PAQR6: variants seen among roughly 807,000 people sequenced by gnomAD.
The protein encoded by PAQR6 is progestin and adipoQ receptor family member 6, also known as membrane progestin receptor delta.
PAQR6 carries 34 observed loss-of-function variants against 36.2 expected under a neutral mutation model. The observed-to-expected ratio is 0.94, with a 90% CI of 0.71 to 1.25. PAQR6 has a LOEUF of 1.25. Ranked by LOEUF, PAQR6 falls within the 50% of genes most tolerant of loss-of-function variation. The pLI is 0.00. For missense variants in PAQR6, 431 were observed against 445.7 expected, an observed-to-expected ratio of 0.97 and a Z score of 0.30; for synonymous variants, 190 against 190.7, an observed-to-expected ratio of 1.00 and a Z score of 0.03.
At position 156,245,579 on chromosome 1, in the gene PAQR6, G is replaced by C. The variant is rs1018849732; in HGVS notation, c.468C>G (p.Ala156=). The C allele has an allele frequency of 1.2e-6, 2 of 1,612,890 alleles. No individual in the cohort carries two copies. The highest frequency in any genetic ancestry group is 2.2e-5 in the South Asian group (2 of 91,046). Residue 156 remains alanine, a synonymous_variant, in exon 5 of 8, where the codon GCC becomes GCG. Transcript: ENST00000292291. Reference sequence around the variant, plus strand: ...CGGTGCACAGGAAGGAGTTGAGTGCGGCGGCAGGCACAAAGAACTGGTGCA... The same window carrying C: ...CGGTGCACAGGAAGGAGTTGAGTGCCGCGGCAGGCACAAAGAACTGGTGCA... ...GHLHQFFVPA[A]ALNSFLCTGL...
Position 156,245,781 on chromosome 1 carries a change from C to T in PAQR6, c.385+1G>A, listed in dbSNP as rs1158377874. On this transcript the variant is annotated splice_donor_variant, in intron 4 of 7. Transcript: ENST00000292291. LOFTEE classifies it high-confidence loss of function. ...CGCGCTCCCGCGCCTGTCCGGCTCA[C>T]CCAGACTGTAGAGGCTGAGCGCGCC... The T allele has an allele frequency of 6.3e-7, 1 of 1,592,358 alleles. No homozygotes were observed. The highest frequency in any genetic ancestry group is 8.6e-7 in the Non-Finnish European group (1 of 1,169,524).
rs1469399624 is a variant in PAQR6 at position 156,246,237 on chromosome 1, T to C, written c.65A>G (p.Asp22Gly). ...VHQVPRVFWE[D>G]GIMSGYRRPT... ...GCGGCGGTAGCCAGACATGATGCCA[T>C]CTTCCCAGAACACCTAGGGTAGTGG... The change falls in exon 3 of 8, where the codon GAT becomes GGT. Residue 22 changes from aspartate to glycine, a missense_variant. Asp to Gly is a moderately conservative substitution (Grantham distance 94). Coordinates refer to ENST00000292291, the MANE Select transcript of PAQR6 (RefSeq NM_198406.3). The C allele has an allele frequency of 6.2e-7, 1 of 1,613,250 alleles. No homozygotes were observed. The highest frequency in any genetic ancestry group is 1.7e-5 in the Admixed American group (1 of 60,004).
At chr1:156,245,381 A>G in intron 5 of PAQR6, 143 bp from the exon 6 acceptor site, 2 of 1,389,404 alleles carry the variant, frequency 1.4e-6, no homozygotes, top group Non-Finnish European at 1.0e-6. Context: ...CTCCTGTGTA[A>G]AGGACCACAT....
Position 156,246,155 on chromosome 1 carries a change from C to T in PAQR6, c.147G>A (p.Thr49=). The T allele has an allele frequency of 3.1e-6, 5 of 1,613,254 alleles. No individual in the cohort carries two copies. Among genetic ancestry groups the T allele is most frequent in the Non-Finnish European group, 4.2e-6 (5 of 1,180,016 alleles). ...VLSSFQMTNE[T]VNIWTHFLPT... ...GCAGGAAGTGAGTCCAGATGTTGACCGTCTCGTTGGTCATCTGGAAGGAGC... is the reference window on the plus strand; with the variant it reads ...GCAGGAAGTGAGTCCAGATGTTGACTGTCTCGTTGGTCATCTGGAAGGAGC... Residue 49 remains threonine, a synonymous_variant, in exon 3 of 8, where the codon ACG becomes ACA. Transcript: ENST00000292291.
Position 156,246,135 on chromosome 1 carries a change from A to G in PAQR6, c.167T>C (p.Phe56Ser), listed in dbSNP as rs1369744380. 2 of 1,612,644 alleles carry G rather than the reference A, an allele frequency of 1.2e-6. No individual in the cohort carries two copies. Among genetic ancestry groups the G allele is most frequent in the African/African-American group, 1.3e-5 (1 of 75,052 alleles). Residue 56 changes from phenylalanine (F) to serine (S), a missense_variant, in exon 3 of 8, where the codon TTC becomes TCC. By Grantham distance (155) the Phe-to-Ser change is radical. Coordinates refer to ENST00000292291, the MANE Select transcript of PAQR6 (RefSeq NM_198406.3). Reference protein sequence around the residue: ...TNETVNIWTHFLPTWYFLWRL... With the variant: ...TNETVNIWTHSLPTWYFLWRL... ...AGCCTCCCCTCACCAGGTGGGCAGG[A>G]AGTGAGTCCAGATGTTGACCGTCTC...
intron 2 of PAQR6, 21 bp downstream of exon 2, chr1:156,246,660 T>G (rs1204143620): frequency 3.7e-6 from 6 of 1,612,430 alleles, no homozygotes; most frequent in Non-Finnish European, 5.1e-6. Context: ...GGTTGGTGGG[T>G]CAGTGGGTGG....
At position 156,243,746 on chromosome 1, in the gene PAQR6, C is replaced by T. The variant is rs1282639002; in HGVS notation, c.*383G>A. 18 of 1,292,100 alleles carry T rather than the reference C, an allele frequency of 1.4e-5. No individual in the cohort carries two copies. Among genetic ancestry groups the T allele is most frequent in the South Asian group, 3.0e-5 (2 of 67,684 alleles). 80.0% of individuals were successfully genotyped at this position (1,292,100 alleles called of 1,614,324 possible). A position where few individuals can be genotyped will look rare whatever the true frequency, so the allele number is the denominator to read the frequency against. ...GCATTCAGGGTAGGCCTAGGTTAGT[C>T]GTGTTAGTTCTTCCCTGTGCTGAGC... On this transcript the variant is annotated 3_prime_UTR_variant, in exon 8 of 8. Coordinates refer to ENST00000292291, the MANE Select transcript of PAQR6 (RefSeq NM_198406.3).
intron 3 of PAQR6, 53 bp from the exon 4 acceptor site, chr1:156,246,040 G>A (rs1660413286): frequency 1.3e-6 from 2 of 1,595,278 alleles, no homozygotes; most frequent in Non-Finnish European, 1.7e-6. Flanking sequence ...TGCCGCTGCA[G>A]CCCGTGGGCC....
intron 1 of PAQR6, among the ~76,000 whole-genome samples, chr1:156,247,090 T>A (rs1660659260): frequency 2.0e-5 from 3 of 152,018 alleles, no homozygotes; most frequent in Non-Finnish European, 2.9e-5. Flanking sequence ...TCAGGAAGAA[T>A]CCTGACTCCT....
intron 7 of PAQR6, 122 bp downstream of exon 7, chr1:156,244,639 G>T: frequency 6.4e-7 from 1 of 1,557,024 alleles, no homozygotes; most frequent in Non-Finnish European, 8.7e-7. Context: ...GGAAGACAGG[G>T]AAGTCCCTCC....
chr1:156,244,984 G>A (rs1660086341), intron 6 of PAQR6, 73 bp from the exon 7 acceptor site: 5 of 1,594,318 alleles, frequency 3.1e-6, no homozygotes, highest in Non-Finnish European at 4.3e-6. Flanking sequence ...GGGATCTGGT[G>A]AGGACGCAGA....
intron 1 of PAQR6, chr1:156,247,661 C>T (rs1660843112): frequency 5.9e-6 from 1 of 170,112 alleles, no homozygotes; most frequent in Non-Finnish European, 1.3e-5. Flanking sequence ...GGCCCTAGTC[C>T]CTGCACCCCA....
At position 156,245,166 on chromosome 1, in the gene PAQR6, G is replaced by A. The variant is rs940853831; in HGVS notation, c.585C>T (p.Phe195=). The change falls in exon 6 of 8, where the codon TTC becomes TTT. Residue 195 remains phenylalanine, a synonymous_variant. Coordinates refer to ENST00000292291, the MANE Select transcript of PAQR6 (RefSeq NM_198406.3). ...RTGAFAYPFL[F]DNLPLFYRLG... ...CCCGATAAAAGAGTGGGAGGTTGTC[G>A]AACAGGAATGGATAGGCGAAGGCTC... is the stretch of plus-strand genomic sequence containing the variant. 3.3e-5 allele frequency: 53 copies of A among 1,613,898 alleles called. No homozygotes were observed. Among genetic ancestry groups the A allele is most frequent in the Non-Finnish European group, 3.7e-5 (44 of 1,179,978 alleles).
Position 156,245,164 on chromosome 1 carries a change from T to C in PAQR6, c.587A>G (p.Asp196Gly). 6.2e-7 allele frequency: 1 copy of C among 1,613,964 alleles called. No individual in the cohort carries two copies. Among genetic ancestry groups the C allele is most frequent in the Non-Finnish European group, 8.5e-7 (1 of 1,179,976 alleles). ...TACCCGATAAAAGAGTGGGAGGTTGTCGAACAGGAATGGATAGGCGAAGGC... is the reference window on the plus strand; with the variant it reads ...TACCCGATAAAAGAGTGGGAGGTTGCCGAACAGGAATGGATAGGCGAAGGC... The part of the protein sequence containing the change: ...TGAFAYPFLF[D>G]NLPLFYRLGL... Residue 196 changes from aspartate (D) to glycine (G), a missense_variant, in exon 6 of 8, where the codon GAC becomes GGC. Physicochemically the swap from Asp to Gly is moderately conservative, Grantham distance 94 (BLOSUM62 -1). Transcript: ENST00000292291.
chr1:156,246,067 G>A, intron 3 of PAQR6, 56 bp downstream of exon 3: 3 of 1,604,040 alleles, frequency 1.9e-6, no homozygotes, highest in Non-Finnish European at 1.7e-6. Flanking sequence ...GTCCCTGCCC[G>A]CCTGGGTACC....
chr1:156,244,590 T>G, intron 7 of PAQR6, 171 bp downstream of exon 7: 1 of 1,440,766 alleles, frequency 6.9e-7, no homozygotes, highest in Non-Finnish European at 9.2e-7. Context: ...ACCTGAGAAG[T>G]GGCAGGTGGA....
chr1:156,244,545 C>T (rs1458296982), intron 7 of PAQR6, 142 bp from the exon 8 acceptor site: 20 of 1,356,946 alleles, frequency 1.5e-5, no homozygotes, highest in Non-Finnish European at 2.0e-5. Flanking sequence ...AGCATGTGTG[C>T]ATGTGGCCCC....
rs7513351 is a variant in PAQR6 at position 156,244,130 on chromosome 1, C to T, written c.1034G>A (p.Ter345=). The T allele has an allele frequency of 0.17, 275,110 of 1,603,656 alleles. 25,552 individuals are homozygous for T. The highest frequency in any genetic ancestry group is 0.3 in the Admixed American group (17,885 of 59,694). The change falls in exon 8 of 8, where the codon TGA becomes TAA. Residue 345 remains the stop codon, a stop_retained_variant. Coordinates refer to ENST00000292291, the MANE Select transcript of PAQR6 (RefSeq NM_198406.3). ...CAGGACAGGGTCAGGGATGGGGCCT[C>T]ACTGTTGTTTGGCCTGGGTACCCCC... ...LEGGTQAKQQ[*]
At chr1:156,247,767 T>C (rs557282427) in intron 1 of PAQR6, 190 bp downstream of exon 1, 1 of 274,380 alleles carries the variant, frequency 3.6e-6, no homozygotes, top group African/African-American at 2.3e-5. Flanking sequence ...GTGCTGCCCA[T>C]CTATCTGGGG....
Sources: gnomAD v4.1 joint callset for allele counts (sites outside exome capture counted in the v4.1 genomes callset) on GRCh38, gnomAD v4.1.1 for gene constraint, MANE v1.5 for transcripts, NCBI Gene and HGNC (gene_info 2026-07-23, HGNC 2026-07-21) for gene names.